The following CACNA2D3 variants were observed in gnomAD, a reference collection of about 807,000 sequenced individuals.
CACNA2D3 encodes the protein voltage-dependent calcium channel subunit alpha-2/delta-3.
In CACNA2D3, 60 loss-of-function variants were observed where a neutral mutation model predicts 160.6. That is an observed-to-expected ratio of 0.37 (90% CI 0.30 to 0.46). The LOEUF is 0.46. Among genes scored for constraint, CACNA2D3 ranks in the 20% least tolerant of loss-of-function variants. The pLI, the probability that CACNA2D3 is intolerant of heterozygous loss-of-function variation, is 1.00. For synonymous variants in CACNA2D3, 558 were observed against 492.9 expected, an observed-to-expected ratio of 1.13 and a Z score of -1.75; for missense variants, 1,205 against 1,365.0, an observed-to-expected ratio of 0.88 and a Z score of 1.85.
chr3:54,254,093 C>T (rs1273176777), intron 2 of CACNA2D3, among the ~76,000 whole-genome samples: 1 of 152,060 alleles, frequency 6.6e-6, no homozygotes, highest in Non-Finnish European at 1.5e-5. Context: ...CAGTGAGCGG[C>T]TGGTTTAGGT....
At chr3:54,757,537 T>A (rs1037377289) in intron 12 of CACNA2D3, among the ~76,000 whole-genome samples, 1 of 152,194 alleles carries the variant, frequency 6.6e-6, no homozygotes, top group African/African-American at 2.4e-5. Flanking sequence ...TTTGCTATTT[T>A]AAGAGAGGTG....
intron 21 of CACNA2D3, among the ~76,000 whole-genome samples, chr3:54,883,258 G>A (rs1403143588): frequency 1.3e-5 from 2 of 152,138 alleles, no homozygotes; most frequent in Non-Finnish European, 2.9e-5. Flanking sequence ...TCCTGACCTC[G>A]TTATCTGCCT....
chr3:54,752,607 C>G lies in CACNA2D3; in HGVS notation c.1176C>G (p.Ile392Met). 1.9e-6 allele frequency: 3 copies of G among 1,613,240 alleles called. No homozygotes were observed. The highest frequency in any genetic ancestry group is 2.5e-6 in the Non-Finnish European group (3 of 1,179,580). ...GTTTGTCTTCCCTTCAGGTTCGCAT[C>G]TTCACATACCTCATTGGACGAGAGG... ...KYNWPDRKVR[I>M]FTYLIGREAA... The change falls in exon 12 of 38, where the codon ATC (isoleucine) becomes ATG (methionine). Residue 392 changes from isoleucine (I) to methionine (M), a missense_variant. This residue lies in a region of CACNA2D3 where 911 missense variants were observed against 1,002.2 expected (regional missense o/e 0.91). Coordinates refer to ENST00000474759, the MANE Select transcript of CACNA2D3 (RefSeq NM_018398.3).
chr3:54,473,400 T>G (rs1167274774), intron 4 of CACNA2D3, among the ~76,000 whole-genome samples: 3 of 152,176 alleles, frequency 2.0e-5, no homozygotes, highest in Non-Finnish European at 4.4e-5. Flanking sequence ...GATTAAAGAC[T>G]TAAACAGAAA....
chr3:54,736,094 TATATAC>T (rs1701515090), intron 11 of CACNA2D3, among the ~76,000 whole-genome samples: 1 of 17,600 alleles, frequency 5.7e-5, no homozygotes, highest in Non-Finnish European at 1.4e-4. Flanking sequence ...TATGTGTATA[TATATAC>T]ATATATATGT....
intron 3 of CACNA2D3, among the ~76,000 whole-genome samples, chr3:54,339,563 CTG>C (rs1196654803): frequency 6.6e-6 from 1 of 152,178 alleles, no homozygotes; most frequent in African/African-American, 2.4e-5. Flanking sequence ...AGGAGAAGGA[CTG>C]TGTGTGTTTA....
At chr3:54,648,661 G>T (rs1466738435) in intron 11 of CACNA2D3, among the ~76,000 whole-genome samples, 1 of 152,196 alleles carries the variant, frequency 6.6e-6, no homozygotes, top group Non-Finnish European at 1.5e-5. Context: ...CCTGCGGTTG[G>T]GTAATTTATA....
intron 11 of CACNA2D3, among the ~76,000 whole-genome samples, chr3:54,739,603 A>G (rs527324341): frequency 6.6e-6 from 1 of 152,052 alleles, no homozygotes; most frequent in African/African-American, 2.4e-5. Flanking sequence ...GAATAGGATG[A>G]TTTTGCATTT....
intron 20 of CACNA2D3, 107 bp downstream of exon 20, chr3:54,879,518 C>A: frequency 2.4e-6 from 2 of 821,358 alleles, no homozygotes; most frequent in East Asian, 2.6e-5. Context: ...ACCAAACACC[C>A]TGCCAAAAGG....
chr3:54,443,584 G>A (rs1700176058), intron 4 of CACNA2D3, among the ~76,000 whole-genome samples: 1 of 152,162 alleles, frequency 6.6e-6, no homozygotes, highest in African/African-American at 2.4e-5. Context: ...CACCTGACAT[G>A]TCCACCAAGT....
intron 27 of CACNA2D3, chr3:54,927,879 T>C (rs767206146): frequency 1.2e-6 from 2 of 1,613,356 alleles, no homozygotes; most frequent in African/African-American, 2.7e-5. Context: ...CAAGAACTTT[T>C]CCAACGGGAA....
At chr3:54,573,710 A>G (rs1053800303) in intron 8 of CACNA2D3, among the ~76,000 whole-genome samples, 22 of 152,236 alleles carry the variant, frequency 1.4e-4, no homozygotes, top group African/African-American at 5.3e-4. Context: ...CAGAATGTCT[A>G]CCAAACAGGG....
intron 13 of CACNA2D3, among the ~76,000 whole-genome samples, chr3:54,780,007 C>T (rs551109122): frequency 6.6e-6 from 1 of 152,280 alleles, no homozygotes; most frequent in Non-Finnish European, 1.5e-5. Flanking sequence ...TGCTCTCAGT[C>T]CTACCACCAG....
At chr3:54,130,581 G>GAGGT (rs3060360) in intron 2 of CACNA2D3, among the ~76,000 whole-genome samples, 58,697 of 151,802 alleles carry the variant, frequency 0.39, 11,492 homozygotes, top group East Asian at 0.6. Context: ...GCAACCTAAT[G>GAGGT]AGGTAGGGAC....
chr3:54,665,059 CTAA>C (rs1242696366), intron 11 of CACNA2D3, among the ~76,000 whole-genome samples: 6 of 152,216 alleles, frequency 3.9e-5, no homozygotes, highest in Non-Finnish European at 2.9e-5. Context: ...ATGGGGACAT[CTAA>C]TAATATATCG....
intron 14 of CACNA2D3, among the ~76,000 whole-genome samples, chr3:54,826,930 A>G (rs1176500860): frequency 1.3e-5 from 2 of 152,232 alleles, no homozygotes; most frequent in Admixed American, 1.3e-4. Context: ...TATGAGATTA[A>G]TTGCACTTGT....
chr3:55,053,889 A>G (rs1017843654), intron 35 of CACNA2D3, among the ~76,000 whole-genome samples: 3 of 151,946 alleles, frequency 2.0e-5, no homozygotes, highest in South Asian at 2.1e-4. Flanking sequence ...GGTCATTCAT[A>G]TAGACCATTT....
At chr3:54,550,427 G>T (rs776445919) in intron 5 of CACNA2D3, among the ~76,000 whole-genome samples, 1 of 152,186 alleles carries the variant, frequency 6.6e-6, no homozygotes, top group African/African-American at 2.4e-5. Context: ...ACCGCGTGGC[G>T]CAGTGGCTCC....
chr3:54,452,999 C>A (rs1224827306), intron 4 of CACNA2D3, among the ~76,000 whole-genome samples: 1 of 150,986 alleles, frequency 6.6e-6, no homozygotes, highest in Non-Finnish European at 1.5e-5. Context: ...CTCTCTTTCT[C>A]CTCTTTCTTT....
Sources: allele counts gnomAD v4.1 joint callset (sites outside exome capture counted in the v4.1 genomes callset), GRCh38; gene constraint gnomAD v4.1.1; regional missense constraint gnomAD v4.1.1; transcripts MANE v1.5; gene names NCBI Gene and HGNC (gene_info 2026-07-23, HGNC 2026-07-21).